CBLB: variants seen among roughly 807,000 people sequenced by gnomAD.
The protein encoded by CBLB is E3 ubiquitin-protein ligase CBL-B.
In CBLB, 31 loss-of-function variants were observed where a neutral mutation model predicts 104.9. The observed-to-expected ratio is 0.30, with a 90% CI of 0.22 to 0.40. The LOEUF (loss-of-function observed/expected upper bound fraction) is 0.40, where lower values mean the gene tolerates loss of function less well. Among genes scored for constraint, CBLB ranks in the 10% least tolerant of loss-of-function variants. CBLB has a pLI of 1.00. For missense variants in CBLB, 1,062 were observed against 1,214.6 expected (o/e 0.87, Z 1.87); for synonymous variants, 440 against 422.6 (o/e 1.04, Z -0.51).
intron 9 of CBLB, among the ~76,000 whole-genome samples, chr3:105,732,303 G>A (rs534616418): frequency 6.6e-6 from 1 of 152,210 alleles, no homozygotes; most frequent in Non-Finnish European, 1.5e-5. Context: ...TAGTTTAAAA[G>A]GCACTGCTAA....
chr3:105,775,706 T>C (rs1006168940), intron 4 of CBLB, among the ~76,000 whole-genome samples: 1 of 152,256 alleles, frequency 6.6e-6, no homozygotes, highest in East Asian at 1.9e-4. Context: ...GCAACTTTTA[T>C]ATAAATTATG....
chr3:105,859,033 A>G lies in CBLB; in HGVS notation c.169-5369T>C, dbSNP rs535712530. Among the ~76,000 whole-genome samples, 4 of 152,336 alleles carry G rather than the reference A, an allele frequency of 2.6e-5. No homozygotes were observed. In the South Asian group the frequency reaches 8.3e-4, roughly 32 times the overall value. On this transcript the variant is annotated intron_variant, in intron 2 of 18. Coordinates refer to ENST00000394030, the MANE Select transcript of CBLB (RefSeq NM_170662.5). ...TACAAAAACAGGATTTACTAATGCT[A>G]TAAGAATTTTCAAAGTCATTACTTA...
chr3:105,826,616 C>T (rs1372025344), intron 3 of CBLB, among the ~76,000 whole-genome samples: 1 of 152,154 alleles, frequency 6.6e-6, no homozygotes, highest in Non-Finnish European at 1.5e-5. Flanking sequence ...TTGTACCATT[C>T]TCTCAAATAC....
At chr3:105,838,009 T>C (rs1038371844) in intron 3 of CBLB, among the ~76,000 whole-genome samples, 3 of 151,966 alleles carry the variant, frequency 2.0e-5, no homozygotes, top group Non-Finnish European at 4.4e-5. Flanking sequence ...GTTTGCCAAG[T>C]ATAAAGCACT....
At position 105,764,532 on chromosome 3, in the gene CBLB, A is replaced by C. The variant is rs992950006; in HGVS notation, c.566+11864T>G. Among the ~76,000 whole-genome samples the C allele has an allele frequency of 6.0e-4, 92 of 152,280 alleles. 1 individual carries two copies. Among genetic ancestry groups the C allele is most frequent in the Middle Eastern group, 6.8e-3 (2 of 294 alleles). On this transcript the variant is annotated intron_variant, in intron 4 of 18. Transcript: ENST00000394030. ...GGTATATGTTCTCACTGCTCCACCAACACTGTTCTCTTTTCTCTCTCCCTC... is the reference window on the plus strand; with the variant it reads ...GGTATATGTTCTCACTGCTCCACCACCACTGTTCTCTTTTCTCTCTCCCTC...
At chr3:105,845,939 G>A (rs1031116029) in intron 3 of CBLB, among the ~76,000 whole-genome samples, 2 of 151,926 alleles carry the variant, frequency 1.3e-5, no homozygotes, top group Non-Finnish European at 2.9e-5. Context: ...GCTTTCTAAA[G>A]CAAATTCTAC....
rs563654616 is a variant in CBLB, at chr3:105,787,550, A to G, written c.420-11008T>C. On this transcript the variant is annotated intron_variant, in intron 3 of 18. Coordinates refer to ENST00000394030, the MANE Select transcript of CBLB (RefSeq NM_170662.5). ...AGGAGACTAGATAACTCTGGCGCTA[A>G]AATGTCTATATGCTTTAAGCAAAAA... Among the ~76,000 whole-genome samples, 3 of 152,318 alleles carry G rather than the reference A, an allele frequency of 2.0e-5. No individual in the cohort carries two copies. In the South Asian group the frequency reaches 6.2e-4, roughly 32 times the overall value.
chr3:105,822,638 T>C (rs1328816938), intron 3 of CBLB, among the ~76,000 whole-genome samples: 1 of 152,226 alleles, frequency 6.6e-6, no homozygotes, highest in Non-Finnish European at 1.5e-5. Context: ...GCCTCCCATT[T>C]AAATGGTCTT....
intron 3 of CBLB, among the ~76,000 whole-genome samples, chr3:105,804,485 C>T (rs936047619): frequency 4.0e-5 from 6 of 150,692 alleles, no homozygotes; most frequent in African/African-American, 1.5e-4. Flanking sequence ...CGCTCCACTG[C>T]ACTCCAGCCT....
intron 3 of CBLB, among the ~76,000 whole-genome samples, chr3:105,800,645 C>T (rs979952537): frequency 5.9e-5 from 9 of 152,084 alleles, no homozygotes; most frequent in Non-Finnish European, 1.0e-4. Context: ...CCTAGAATTA[C>T]ATAAAAATTT....
intron 4 of CBLB, among the ~76,000 whole-genome samples, chr3:105,761,742 G>A (rs1435376037): frequency 3.3e-5 from 5 of 152,156 alleles, no homozygotes; most frequent in African/African-American, 7.2e-5. Context: ...AGAGTGGGGT[G>A]CTGCTGTAAA....
chr3:105,676,919 G>C (rs2065717289), intron 17 of CBLB, among the ~76,000 whole-genome samples: 1 of 152,174 alleles, frequency 6.6e-6, no homozygotes, highest in African/African-American at 2.4e-5. Context: ...CTGCTGCCAT[G>C]TAAGACATGC....
rs1233491931 is a variant in CBLB at position 105,675,910 on chromosome 3, T to G, written c.2569+2521A>C. On this transcript the variant is annotated intron_variant, in intron 17 of 18. Coordinates refer to ENST00000394030, the MANE Select transcript of CBLB (RefSeq NM_170662.5). ...AAAAAAAAAAAAAAAAAAAAAGTCA[T>G]AAAGGATCTGGTACCAGACTAGAAA... is the stretch of plus-strand genomic sequence containing the variant. Among the ~76,000 whole-genome samples, 3 of 114,034 alleles carry G rather than the reference T, an allele frequency of 2.6e-5. No homozygotes were observed. In the East Asian group the frequency reaches 7.4e-4, roughly 28 times the overall value. The allele number at this position is 114,034 out of a possible 152,430, so 74.8% of individuals were successfully genotyped here.
chr3:105,703,306 C>T (rs777079752), intron 11 of CBLB, among the ~76,000 whole-genome samples: 113 of 152,130 alleles, frequency 7.4e-4, no homozygotes, highest in Admixed American at 1.1e-3. Flanking sequence ...GAAAATCAAA[C>T]ACTACTAAAT....
intron 3 of CBLB, among the ~76,000 whole-genome samples, chr3:105,836,746 T>G (rs1330970711): frequency 6.6e-6 from 1 of 152,020 alleles, no homozygotes; most frequent in Non-Finnish European, 1.5e-5. Flanking sequence ...CTTGGTCTAG[T>G]GAGTCAAAAC....
intron 9 of CBLB, among the ~76,000 whole-genome samples, chr3:105,728,918 C>T (rs2073997257): frequency 6.6e-6 from 1 of 152,080 alleles, no homozygotes; most frequent in Non-Finnish European, 1.5e-5. Flanking sequence ...CTTAAGTTTT[C>T]TGTTAATTAC....
chr3:105,869,360 T>G, upstream of CBLB: 2 of 1,341,640 alleles, frequency 1.5e-6, no homozygotes, highest in Non-Finnish European at 2.0e-6. Flanking sequence ...CAGGTGGGCG[T>G]GAGCGTCGGG....
chr3:105,766,522 A>C (rs1167633085), intron 4 of CBLB, among the ~76,000 whole-genome samples: 7 of 152,228 alleles, frequency 4.6e-5, no homozygotes, highest in African/African-American at 1.7e-4. Context: ...AGCCACCTTA[A>C]CTTTCAGCAT....
intron 7 of CBLB, among the ~76,000 whole-genome samples, chr3:105,737,906 T>A (rs1048929653): frequency 6.6e-6 from 1 of 152,192 alleles, no homozygotes; most frequent in African/African-American, 2.4e-5. Context: ...CAAAATGGTC[T>A]ATAGATACAA....
Sources: allele counts gnomAD v4.1 joint callset (sites outside exome capture counted in the v4.1 genomes callset), GRCh38; gene constraint gnomAD v4.1.1; transcripts MANE v1.5; gene names NCBI Gene and HGNC (gene_info 2026-07-23, HGNC 2026-07-21).